The following SLC24A2 variants were observed in gnomAD, a reference collection of about 807,000 sequenced individuals.
The protein encoded by SLC24A2 is sodium/potassium/calcium exchanger 2.
In SLC24A2, 36 loss-of-function variants were observed where a neutral mutation model predicts 62.0. The observed-to-expected ratio is 0.58, with a 90% confidence interval of 0.44 to 0.77. The LOEUF is 0.77. SLC24A2 is among the 30% of genes least tolerant of loss of function. SLC24A2 has a pLI of 0.00. For missense variants in SLC24A2, 846 were observed against 817.9 expected, an observed-to-expected ratio of 1.03 and a Z score of -0.42; for synonymous variants, 358 against 294.0, an observed-to-expected ratio of 1.22 and a Z score of -2.23.
At chr9:20,276,500 T>G in the SLC24A2 span, among the ~76,000 whole-genome samples, 1 of 152,174 alleles carries the variant, frequency 6.6e-6, no homozygotes, top group East Asian at 1.9e-4. Flanking sequence ...GGGCTGGCAT[T>G]GAGTGTCTGT....
Position 19,515,178 on chromosome 9 carries a change from G to A in SLC24A2, c.*975C>T, listed in dbSNP as rs1228444761. Reference sequence around the variant, plus strand: ...CAGGTTCAGTTTATATAGTCTTGCTGTCCTAGAAAAAGCACTAATTTGGTT... The same window carrying A: ...CAGGTTCAGTTTATATAGTCTTGCTATCCTAGAAAAAGCACTAATTTGGTT... On this transcript the variant is annotated 3_prime_UTR_variant, in exon 11 of 11. Coordinates refer to ENST00000341998, the MANE Select transcript of SLC24A2 (RefSeq NM_020344.4). The A allele has an allele frequency of 6.6e-6, 1 of 152,074 alleles. No homozygotes were observed. Among genetic ancestry groups the A allele is most frequent in the Non-Finnish European group, 1.5e-5 (1 of 68,024 alleles). 9.4% of individuals were successfully genotyped at this position (152,074 alleles called of 1,614,324 possible).
intron 7 of SLC24A2, among the ~76,000 whole-genome samples, chr9:19,552,738 C>T (rs558820994): frequency 6.6e-6 from 1 of 152,204 alleles, no homozygotes; most frequent in Non-Finnish European, 1.5e-5. Flanking sequence ...ATGACACCAA[C>T]AGATGGTGAC....
intron 2 of SLC24A2, among the ~76,000 whole-genome samples, chr9:19,718,020 A>G (rs909645646): frequency 1.5e-4 from 22 of 145,890 alleles, no homozygotes; most frequent in African/African-American, 5.1e-4. Flanking sequence ...TCTGTCGCCC[A>G]GGCTGGAGTG....
the SLC24A2 span, among the ~76,000 whole-genome samples, chr9:19,883,478 C>A: frequency 2.0e-5 from 3 of 152,006 alleles, no homozygotes; most frequent in Non-Finnish European, 4.4e-5. Context: ...GAATCTATAC[C>A]TAATTTATCT....
At chr9:20,294,631 G>C in the SLC24A2 span, among the ~76,000 whole-genome samples, 1 of 152,110 alleles carries the variant, frequency 6.6e-6, no homozygotes, top group Non-Finnish European at 1.5e-5. Flanking sequence ...TTCTTTTAAA[G>C]ACATCAGAAA....
the SLC24A2 span, among the ~76,000 whole-genome samples, chr9:20,045,871 G>C: frequency 6.6e-6 from 1 of 152,212 alleles, no homozygotes; most frequent in Admixed American, 6.5e-5. Context: ...GAGCGGTCAA[G>C]TGTCTTGCCC....
chr9:20,039,708 G>A, the SLC24A2 span, among the ~76,000 whole-genome samples: 1 of 152,056 alleles, frequency 6.6e-6, no homozygotes, highest in Non-Finnish European at 1.5e-5. Flanking sequence ...GAAGAAAATG[G>A]GGATTCAGTT....
At chr9:19,527,059 A>G (rs1002802322) in intron 9 of SLC24A2, among the ~76,000 whole-genome samples, 4 of 152,182 alleles carry the variant, frequency 2.6e-5, no homozygotes, top group African/African-American at 4.8e-5. Flanking sequence ...TTATTTTGGC[A>G]TATGGAAATC....
chr9:19,800,416 A>G, the SLC24A2 span, among the ~76,000 whole-genome samples: 21 of 152,182 alleles, frequency 1.4e-4, no homozygotes, highest in African/African-American at 5.1e-4. Flanking sequence ...TTTTGAGGGA[A>G]TATTATTGAG....
the SLC24A2 span, among the ~76,000 whole-genome samples, chr9:20,174,911 A>G: frequency 6.6e-6 from 1 of 152,088 alleles, no homozygotes; most frequent in Admixed American, 6.6e-5. Context: ...ACATGCTTAT[A>G]GCAGCACAAT....
chr9:20,249,923 T>C, the SLC24A2 span, among the ~76,000 whole-genome samples: 1 of 152,210 alleles, frequency 6.6e-6, no homozygotes, highest in Non-Finnish European at 1.5e-5. Flanking sequence ...CCTGGTTTCA[T>C]ATTCAAATAA....
chr9:19,968,764 C>T, the SLC24A2 span, among the ~76,000 whole-genome samples: 3 of 152,086 alleles, frequency 2.0e-5, no homozygotes, highest in Non-Finnish European at 2.9e-5. Flanking sequence ...TATTATTTTA[C>T]GTCATTAACA....
chr9:20,054,554 A>G, the SLC24A2 span, among the ~76,000 whole-genome samples: 1 of 152,126 alleles, frequency 6.6e-6, no homozygotes, highest in Non-Finnish European at 1.5e-5. Context: ...ACTGGTACCC[A>G]AAGTGTAGTT....
At chr9:19,556,410 G>A (rs747788669) in intron 7 of SLC24A2, among the ~76,000 whole-genome samples, 1 of 152,212 alleles carries the variant, frequency 6.6e-6, no homozygotes, top group Non-Finnish European at 1.5e-5. Flanking sequence ...CACTGAGCAA[G>A]ATTCCAGAGT....
the SLC24A2 span, among the ~76,000 whole-genome samples, chr9:20,283,872 T>G: frequency 6.6e-6 from 1 of 151,930 alleles, no homozygotes; most frequent in Non-Finnish European, 1.5e-5. Flanking sequence ...GCAGGCAGCG[T>G]GTTTAGGGAG....
the SLC24A2 span, among the ~76,000 whole-genome samples, chr9:20,237,602 G>T: frequency 1.3e-5 from 2 of 152,188 alleles, no homozygotes; most frequent in Admixed American, 6.5e-5. Flanking sequence ...ACTTGGGAAT[G>T]ATGTGCATTT....
At position 19,786,148 on chromosome 9, in the gene SLC24A2, C is replaced by T. The variant is rs1459061832; in HGVS notation, c.719G>A (p.Arg240Gln). Residue 240 changes from arginine (R) to glutamine (Q), a missense_variant, in exon 2 of 11, where the codon CGA (arginine) becomes CAA (glutamine). Transcript: ENST00000341998. This position sits in a 1 kb window ranked among gnomAD's most constrained non-coding sequence, Gnocchi z 5.0. Reference sequence around the variant, plus strand: ...GTCAACAATGTAGAAAGACACATCTCGAAAGAGCGGCCACCATGTCAGGTT... The same window carrying T: ...GTCAACAATGTAGAAAGACACATCTTGAAAGAGCGGCCACCATGTCAGGTT... The part of the protein sequence containing the change: ...ILNLTWWPLF[R>Q]DVSFYIVDLI... 6 of 1,614,018 alleles carry T rather than the reference C, an allele frequency of 3.7e-6. No homozygotes were observed. The highest frequency in any genetic ancestry group is 5.1e-6 in the Non-Finnish European group (6 of 1,180,034).
chr9:20,050,858 T>C, the SLC24A2 span, among the ~76,000 whole-genome samples: 3 of 152,180 alleles, frequency 2.0e-5, no homozygotes, highest in African/African-American at 4.8e-5. Flanking sequence ...GATGTCACGA[T>C]TGGAAAAAGG....
the SLC24A2 span, among the ~76,000 whole-genome samples, chr9:19,887,837 A>C: frequency 6.6e-6 from 1 of 152,242 alleles, no homozygotes; most frequent in Non-Finnish European, 1.5e-5. Context: ...ATAAAAGGGA[A>C]TGAATTAATG....
Sources: gnomAD v4.1 joint callset for allele counts (sites outside exome capture counted in the v4.1 genomes callset) on GRCh38, gnomAD v4.1.1 for gene constraint, Gnocchi (gnomAD v3.1) non-coding constraint, MANE v1.5 for transcripts, NCBI Gene and HGNC (gene_info 2026-07-23, HGNC 2026-07-21) for gene names.